The following LYPD5 variants were observed in gnomAD, a reference collection of about 807,000 sequenced individuals.
LYPD5 encodes the protein ly6/PLAUR domain-containing protein 5.
Under a neutral mutation model 19.1 loss-of-function variants are expected in LYPD5, and 21 were observed. That is an observed-to-expected ratio of 1.10 (90% CI 0.78 to 1.58). The LOEUF (loss-of-function observed/expected upper bound fraction) is 1.58, where lower values mean the gene tolerates loss of function less well. Among genes scored for constraint, LYPD5 ranks in the 40% most tolerant of loss-of-function variants. The pLI is 0.00. For synonymous variants in LYPD5, 128 were observed against 142.7 expected, an observed-to-expected ratio of 0.90 and a Z score of 0.74; for missense variants, 287 against 329.8, an observed-to-expected ratio of 0.87 and a Z score of 1.00.
chr19:43,811,414 G>A (rs747373666), intron 1 of LYPD5, among the ~76,000 whole-genome samples: 11 of 152,096 alleles, frequency 7.2e-5, no homozygotes, highest in Non-Finnish European at 1.3e-4. Context: ...AGCTGGGCAC[G>A]GTGGCTCACG....
At chr19:43,820,491 CG>C (rs1190102939) in intron 1 of LYPD5, 2 of 151,158 alleles carry the variant, frequency 1.3e-5, no homozygotes, top group East Asian at 3.9e-4. Context: ...GCCACACTGT[CG>C]CCTTCTTCGG....
intron 1 of LYPD5, among the ~76,000 whole-genome samples, chr19:43,807,459 T>G (rs950748863): frequency 3.3e-5 from 5 of 152,016 alleles, no homozygotes; most frequent in African/African-American, 1.2e-4. Context: ...AATTTTTGTG[T>G]TTTTAGTAGA....
chr19:43,797,922 C>G, intron 4 of LYPD5, 93 bp from the exon 5 acceptor site: 1 of 978,022 alleles, frequency 1.0e-6, no homozygotes, highest in Non-Finnish European at 1.5e-6. Context: ...ATGCCTCGGT[C>G]CTCAGACTTG....
Position 43,798,588 on chromosome 19 carries a change from C to T in LYPD5, c.384G>A (p.Pro128=), listed in dbSNP as rs371523113. Residue 128 remains proline, a synonymous_variant, in exon 4 of 5, where the codon CCG becomes CCA. Transcript: ENST00000377950. Reference sequence around the variant, plus strand: ...CGTAGCACTCGGCGCCGCTGAGCGTCGGCGGGTCGGGTGCTGGCAAGAGAG... The same window carrying T: ...CGTAGCACTCGGCGCCGCTGAGCGTTGGCGGGTCGGGTGCTGGCAAGAGAG... The part of the protein sequence containing the change: ...LPNLSQAPDP[P]TLSGAECYAC... 2 of 1,610,660 alleles carry T rather than the reference C, an allele frequency of 1.2e-6. No individual in the cohort carries two copies. The highest frequency in any genetic ancestry group is 8.5e-7 in the Non-Finnish European group (1 of 1,180,028).
chr19:43,803,994 T>A (rs1181317485), upstream of LYPD5, among the ~76,000 whole-genome samples: 1 of 152,070 alleles, frequency 6.6e-6, no homozygotes, highest in Admixed American at 6.6e-5. Context: ...TGTGCCACCA[T>A]GCCTGGCTAA....
chr19:43,800,532 C>A (rs1193156497), intron 1 of LYPD5, among the ~76,000 whole-genome samples: 1 of 152,136 alleles, frequency 6.6e-6, no homozygotes, highest in Admixed American at 6.6e-5. Flanking sequence ...CATATCAACA[C>A]AGAGAGGGAC....
rs369824236 is a variant in LYPD5 at position 43,799,697 on chromosome 19, G to A, written c.193+9C>T. The A allele has an allele frequency of 9.3e-5, 149 of 1,609,856 alleles. No homozygotes were observed. The highest frequency in any genetic ancestry group is 2.7e-4 in the African/African-American group (20 of 74,602). ...CTCTCATCCCTGTCCCCCGGCTCCC[G>A]CTCCTTACCGGTGTCCAGAGACAGG... On this transcript the variant is annotated intron_variant, in intron 2 of 4. Coordinates refer to ENST00000377950, the MANE Select transcript of LYPD5 (RefSeq NM_001031749.3).
chr19:43,811,663 G>T (rs929456205), intron 1 of LYPD5, among the ~76,000 whole-genome samples: 1 of 139,656 alleles, frequency 7.2e-6, no homozygotes, highest in Non-Finnish European at 1.5e-5. Context: ...TCTAGCCTGG[G>T]TGACAAAGGG....
upstream of LYPD5, among the ~76,000 whole-genome samples, chr19:43,804,371 T>C (rs904484473): frequency 3.1e-5 from 3 of 97,412 alleles, no homozygotes; most frequent in Non-Finnish European, 4.7e-5. Context: ...CAGGAATAAC[T>C]CCATGTGATG....
chr19:43,798,245 C>G (rs968143620), intron 4 of LYPD5, among the ~76,000 whole-genome samples: 3 of 132,510 alleles, frequency 2.3e-5, no homozygotes, highest in Non-Finnish European at 4.9e-5. Flanking sequence ...TGCCTCCTCC[C>G]TCAGACCAGG....
chr19:43,818,411 G>A (rs982551739), intron 1 of LYPD5, among the ~76,000 whole-genome samples: 5 of 152,222 alleles, frequency 3.3e-5, no homozygotes, highest in African/African-American at 4.8e-5. Flanking sequence ...TTGCTATCAA[G>A]TGTAATTGAT....
intron 1 of LYPD5, among the ~76,000 whole-genome samples, chr19:43,810,787 C>T (rs1025240488): frequency 1.3e-5 from 2 of 151,802 alleles, no homozygotes; most frequent in Non-Finnish European, 2.9e-5. Context: ...TGCCACCACG[C>T]CTGGCTAATT....
intron 2 of LYPD5, among the ~76,000 whole-genome samples, chr19:43,799,243 CTT>C (rs1970186484): frequency 6.6e-6 from 1 of 151,892 alleles, no homozygotes; most frequent in Non-Finnish European, 1.5e-5. Flanking sequence ...CCCTCATCCA[CTT>C]TTTCTTTTGT....
chr19:43,812,926 C>T (rs1397513923), intron 1 of LYPD5, among the ~76,000 whole-genome samples: 2 of 152,192 alleles, frequency 1.3e-5, no homozygotes, highest in Non-Finnish European at 2.9e-5. Flanking sequence ...TGACATGGCA[C>T]ACTGGCGGGA....
At chr19:43,809,499 G>C (rs536671180) in intron 1 of LYPD5, among the ~76,000 whole-genome samples, 1 of 152,164 alleles carries the variant, frequency 6.6e-6, no homozygotes, top group Admixed American at 6.5e-5. Context: ...TCCTGCCTCA[G>C]CCTCTGTAAC....
intron 1 of LYPD5, among the ~76,000 whole-genome samples, chr19:43,810,802 G>A (rs1424714685): frequency 6.6e-6 from 1 of 151,724 alleles, no homozygotes; most frequent in East Asian, 1.9e-4. Context: ...CTAATTCTTT[G>A]TACTTTTAGT....
intron 1 of LYPD5, among the ~76,000 whole-genome samples, chr19:43,809,535 G>A (rs1970301937): frequency 6.6e-6 from 1 of 152,108 alleles, no homozygotes; most frequent in Non-Finnish European, 1.5e-5. Flanking sequence ...CTGCCACCAC[G>A]CCCGGCTCAT....
rs1327323762 is a variant in LYPD5, at chr19:43,797,708, G to T, written c.639C>A (p.Cys213Ter). The part of the protein sequence containing the change: ...LQGSCCEGYL[C>*]NRKSMTQPFT... ...AGGGCTGGGTCATGGATTTCCTGTT[G>T]CAGAGGTACCCCTCACAGCAGGAGC... Residue 213 changes from cysteine (C) to a stop codon, truncating the protein, a stop_gained, in exon 5 of 5, where the codon TGC (cysteine) becomes TGA (stop). Coordinates refer to ENST00000377950, the MANE Select transcript of LYPD5 (RefSeq NM_001031749.3). LOFTEE classifies it low-confidence loss of function (END_TRUNC). 6.2e-7 allele frequency: 1 copy of T among 1,613,742 alleles called. No homozygotes were observed. The highest frequency in any genetic ancestry group is 8.5e-7 in the Non-Finnish European group (1 of 1,179,904).
chr19:43,816,237 G>C (rs976702439), intron 1 of LYPD5, among the ~76,000 whole-genome samples: 13 of 152,192 alleles, frequency 8.5e-5, no homozygotes. Context: ...AATCTTCACT[G>C]ATGTGGTAAG....
Sources: gnomAD v4.1 joint callset for allele counts (sites outside exome capture counted in the v4.1 genomes callset) on GRCh38, gnomAD v4.1.1 for gene constraint, MANE v1.5 for transcripts, NCBI Gene and HGNC (gene_info 2026-07-23, HGNC 2026-07-21) for gene names.